The following EPAS1 variants were observed in gnomAD, a reference collection of about 807,000 sequenced individuals.
EPAS1 encodes endothelial PAS domain protein 1.
In EPAS1, 23 loss-of-function variants were observed where a neutral mutation model predicts 87.9. The ratio of observed to expected loss-of-function variants is 0.26; its 90% confidence interval spans 0.19 to 0.37. The LOEUF (loss-of-function observed/expected upper bound fraction) is 0.37. EPAS1 is among the 10% of genes least tolerant of loss of function. EPAS1 has a pLI of 1.00. For missense variants in EPAS1, 1,138 were observed against 1,120.7 expected, an observed-to-expected ratio of 1.02 and a Z score of -0.22; for synonymous variants, 508 against 444.3, an observed-to-expected ratio of 1.14 and a Z score of -1.80.
At chr2:46,349,332 C>T (rs1331090416) in intron 2 of EPAS1, among the ~76,000 whole-genome samples, 3 of 152,196 alleles carry the variant, frequency 2.0e-5, no homozygotes, top group Non-Finnish European at 2.9e-5. Flanking sequence ...GAAAAGGCCA[C>T]GAGTTAGGCT....
intron 10 of EPAS1, among the ~76,000 whole-genome samples, chr2:46,378,315 G>A (rs1291129655): frequency 6.6e-6 from 1 of 152,234 alleles, no homozygotes; most frequent in Non-Finnish European, 1.5e-5. Flanking sequence ...TGAGCCCCCA[G>A]CTCAGTCCCC....
chr2:46,348,307 C>G (rs1217588000), intron 2 of EPAS1, among the ~76,000 whole-genome samples: 1 of 152,122 alleles, frequency 6.6e-6, no homozygotes, highest in Non-Finnish European at 1.5e-5. Flanking sequence ...GATACATGAT[C>G]CTAGATGCTG....
At position 46,305,646 on chromosome 2, in the gene EPAS1, G is replaced by T. The variant is rs186612141; in HGVS notation, c.26+7709G>T. Among the ~76,000 whole-genome samples, 26 of 152,224 alleles carry T rather than the reference G, an allele frequency of 1.7e-4. 1 individual carries two copies. The highest frequency in any genetic ancestry group is 6.3e-4 in the African/African-American group (26 of 41,518). On this transcript the variant is annotated intron_variant, in intron 1 of 15. Transcript: ENST00000263734. ...TTGCCATGTACTCATCTGACGTTTT[G>T]TGAATTCTATAAAGCCATGGAAGTG...
Position 46,384,510 on chromosome 2 carries a change from C to G in EPAS1, c.2463C>G (p.Gly821=). ...TTATGGTACCAACCCTTCTTTCAGG[C>G]ATGGCAAGCCGGCTGCTCGGGCCCT... is the stretch of plus-strand genomic sequence containing the variant. ...YSLSSAHKVS[G]MASRLLGPSF... The change falls in exon 16 of 16, where the codon GGC becomes GGG. Residue 821 remains glycine (G), a splice_region_variant and synonymous_variant. Coordinates refer to ENST00000263734, the MANE Select transcript of EPAS1 (RefSeq NM_001430.5). 6.2e-7 allele frequency: 1 copy of G among 1,614,192 alleles called. No individual in the cohort carries two copies. The highest frequency in any genetic ancestry group is 8.5e-7 in the Non-Finnish European group (1 of 1,180,038).
intron 1 of EPAS1, among the ~76,000 whole-genome samples, chr2:46,342,063 TG>T (rs1683924065): frequency 6.6e-6 from 1 of 152,160 alleles, no homozygotes; most frequent in South Asian, 2.1e-4. Context: ...TGGCTACACG[TG>T]GGGAGCTTTT....
At chr2:46,318,473 T>TA (rs1049205318) in intron 1 of EPAS1, among the ~76,000 whole-genome samples, 3 of 152,228 alleles carry the variant, frequency 2.0e-5, no homozygotes, top group African/African-American at 4.8e-5. Flanking sequence ...CTTCAATTTG[T>TA]AAAAAGTGCA....
rs1287590162 is a variant in EPAS1, at chr2:46,380,224, C to T, written c.1555-3C>T. The T allele has an allele frequency of 6.2e-7, 1 of 1,609,626 alleles. No individual in the cohort carries two copies. The highest frequency in any genetic ancestry group is 1.3e-5 in the African/African-American group (1 of 74,888). ...CCTCTTTGCCGGTGCTGTCTCCCCT[C>T]AGACGGATTTCAATGAGCTGGACTT... On this transcript the variant is annotated splice_region_variant and splice_polypyrimidine_tract_variant and intron_variant, in intron 11 of 15. Transcript: ENST00000263734. The surrounding 1 kb of genome is among the most constrained non-coding windows in gnomAD (Gnocchi z 4.4).
intron 1 of EPAS1, among the ~76,000 whole-genome samples, chr2:46,340,211 G>A (rs1217951324): frequency 6.6e-6 from 1 of 152,068 alleles, no homozygotes; most frequent in Admixed American, 6.5e-5. Context: ...CTACAAGGCT[G>A]CCTGGGGCTG....
chr2:46,309,214 C>G (rs997256360), intron 1 of EPAS1, among the ~76,000 whole-genome samples: 1 of 152,200 alleles, frequency 6.6e-6, no homozygotes, highest in Non-Finnish European at 1.5e-5. Context: ...ATCCACCATG[C>G]GTAGAGCAGG....
At chr2:46,311,493 G>GA (rs1309939532) in intron 1 of EPAS1, among the ~76,000 whole-genome samples, 2 of 152,168 alleles carry the variant, frequency 1.3e-5, no homozygotes, top group Non-Finnish European at 2.9e-5. Flanking sequence ...CCCTAGGCTA[G>GA]AAAGTGTTGT....
chr2:46,315,523 C>T (rs1683296844), intron 1 of EPAS1, among the ~76,000 whole-genome samples: 1 of 152,206 alleles, frequency 6.6e-6, no homozygotes, highest in African/African-American at 2.4e-5. Context: ...CTTTTGCTGC[C>T]CTGGGAAGGC....
rs1684364976 is a variant in EPAS1, at chr2:46,360,574, C to A, written c.455-64C>A. The A allele has an allele frequency of 7.2e-7, 1 of 1,383,906 alleles. No individual in the cohort carries two copies. Among genetic ancestry groups the A allele is most frequent in the East Asian group, 2.3e-5 (1 of 43,804 alleles). The allele number at this position is 1,383,906 out of a possible 1,614,324, so 85.7% of individuals were successfully genotyped here. On this transcript the variant is annotated intron_variant, in intron 4 of 15. Coordinates refer to ENST00000263734, the MANE Select transcript of EPAS1 (RefSeq NM_001430.5). This position sits in a 1 kb window ranked among gnomAD's most constrained non-coding sequence, Gnocchi z 4.5. The stretch of plus-strand genomic sequence containing the variant: ...GCTGCCAAGAAAAACTGCAGCTGGG[C>A]CCCTCTCATGAATATCCATATAAAA...
chr2:46,323,416 C>G (rs1683492007), intron 1 of EPAS1, among the ~76,000 whole-genome samples: 1 of 152,178 alleles, frequency 6.6e-6, no homozygotes. Flanking sequence ...GAGGAATAAA[C>G]AAGACTGAAT....
In EPAS1 at chr2:46,382,022, G is replaced by A. The variant is rs1221195430; in HGVS notation, c.2220G>A (p.Met740Ile). ...CCTCACATTTGATGTGGAAACGGAT[G>A]AAGAACCTCAGGGGTGGGAGCTGCC... ...GSTSHLMWKR[M>I]KNLRGGSCPL... The change falls in exon 14 of 16, where the codon ATG becomes ATA. Residue 740 changes from methionine to isoleucine, a missense_variant. Met to Ile is a conservative substitution (Grantham distance 10). Coordinates refer to ENST00000263734, the MANE Select transcript of EPAS1 (RefSeq NM_001430.5). 3 of 1,614,070 alleles carry A rather than the reference G, an allele frequency of 1.9e-6. No homozygotes were observed. The highest frequency in any genetic ancestry group is 1.7e-5 in the Admixed American group (1 of 60,020).
chr2:46,356,930 T>A, intron 4 of EPAS1, 122 bp downstream of exon 4: 1 of 738,394 alleles, frequency 1.4e-6, no homozygotes, highest in Non-Finnish European at 2.4e-6. Flanking sequence ...TGGATGTCCT[T>A]AAAAAATTTA....
chr2:46,330,129 T>C (rs1212166865), intron 1 of EPAS1, among the ~76,000 whole-genome samples: 1 of 152,206 alleles, frequency 6.6e-6, no homozygotes, highest in Admixed American at 6.5e-5. Flanking sequence ...CTTGAAACTT[T>C]CCCTCCAAGT....
Position 46,359,257 on chromosome 2 carries a change from C to CAAA in EPAS1, c.455-1359_455-1357dup, listed in dbSNP as rs57351888. 1.3e-3 allele frequency among the ~76,000 whole-genome samples: 33 copies of CAAA among 25,082 alleles called. 4 individuals are homozygous for CAAA. Among genetic ancestry groups the CAAA allele is most frequent in the African/African-American group, 4.3e-3 (22 of 5,058 alleles). 16.5% of individuals were successfully genotyped at this position (25,082 alleles called of 152,430 possible). ...CTGGCGACAGAGCAAGATTCTGTCT[C>CAAA]AAAAAAAAAAAAAAAAAAAAAAAAG... On this transcript the variant is annotated intron_variant, in intron 4 of 15. Coordinates refer to ENST00000263734, the MANE Select transcript of EPAS1 (RefSeq NM_001430.5).
rs367972614 is a variant in EPAS1, at chr2:46,366,786, G to C, written c.780-3041G>C. Among the ~76,000 whole-genome samples, 5 of 152,368 alleles carry C rather than the reference G, an allele frequency of 3.3e-5. No homozygotes were observed. In the East Asian group the frequency reaches 5.8e-4, roughly 18 times the overall value. On this transcript the variant is annotated intron_variant, in intron 6 of 15. Transcript: ENST00000263734. The stretch of plus-strand genomic sequence containing the variant: ...GATGAACTTGTGTTATCACAGCCCA[G>C]CTCGGAAGGCTTGTCTGGAGCCTGG...
At chr2:46,318,022 T>C (rs1683375000) in intron 1 of EPAS1, among the ~76,000 whole-genome samples, 1 of 152,242 alleles carries the variant, frequency 6.6e-6, no homozygotes, top group African/African-American at 2.4e-5. Context: ...ATCTTCTCAC[T>C]AAGCTTAATC....
Sources: allele counts gnomAD v4.1 joint callset (sites outside exome capture counted in the v4.1 genomes callset), GRCh38; gene constraint gnomAD v4.1.1; non-coding constraint Gnocchi (gnomAD v3.1); transcripts MANE v1.5; gene names NCBI Gene and HGNC (gene_info 2026-07-23, HGNC 2026-07-21).